Variants in AKAP19 observed in about 807,000 individuals in gnomAD.
AKAP19 encodes the protein A-kinase anchoring protein 19.
At chr2:190,141,501 A>C in the AKAP19 span, among the ~76,000 whole-genome samples, 58,261 of 152,066 alleles carry the variant, frequency 0.38, 12,826 homozygotes, top group East Asian at 0.76. Flanking sequence ...AGAAGCAAAC[A>C]CATCCTTCTT....
At chr2:189,952,286 GA>G in the AKAP19 span, among the ~76,000 whole-genome samples, 1 of 152,178 alleles carries the variant, frequency 6.6e-6, no homozygotes, top group Non-Finnish European at 1.5e-5. Context: ...CAGAACCTAA[GA>G]GGGTAGAAGA....
the AKAP19 span, among the ~76,000 whole-genome samples, chr2:189,914,522 C>T: frequency 6.6e-6 from 1 of 151,992 alleles, no homozygotes. Context: ...ATGGCTATTT[C>T]ATGAGACATT....
the AKAP19 span, among the ~76,000 whole-genome samples, chr2:190,162,499 C>G: frequency 2.0e-4 from 30 of 152,150 alleles, no homozygotes; most frequent in South Asian, 4.1e-4. Context: ...GCCACAAAAA[C>G]AATACCATGC....
the AKAP19 span, among the ~76,000 whole-genome samples, chr2:190,121,016 G>A: frequency 1.7e-4 from 26 of 151,826 alleles, no homozygotes; most frequent in Non-Finnish European, 7.4e-5. Flanking sequence ...GGGGGAGTTC[G>A]TGTGATTATG....
chr2:189,928,403 A>G, the AKAP19 span, among the ~76,000 whole-genome samples: 1 of 152,158 alleles, frequency 6.6e-6, no homozygotes, highest in South Asian at 2.1e-4. Context: ...TTGAGAAAAA[A>G]GTCTGACTAT....
the AKAP19 span, among the ~76,000 whole-genome samples, chr2:190,022,653 G>C: frequency 1.3e-5 from 2 of 152,088 alleles, no homozygotes; most frequent in African/African-American, 4.8e-5. Flanking sequence ...CCATTCTGAG[G>C]CTTATGCATA....
chr2:189,966,792 A>G, the AKAP19 span, among the ~76,000 whole-genome samples: 2 of 152,220 alleles, frequency 1.3e-5, no homozygotes, highest in Non-Finnish European at 2.9e-5. Context: ...TGGAACGTGC[A>G]TAGAGATATA....
the AKAP19 span, among the ~76,000 whole-genome samples, chr2:190,060,959 G>A: frequency 6.6e-6 from 1 of 151,962 alleles, no homozygotes; most frequent in African/African-American, 2.4e-5. Flanking sequence ...TTTGGCTTTG[G>A]AATAACCTTT....
the AKAP19 span, among the ~76,000 whole-genome samples, chr2:189,912,834 A>G: frequency 4.4e-4 from 67 of 152,066 alleles, no homozygotes; most frequent in African/African-American, 1.4e-3. Flanking sequence ...GTTACTTCCT[A>G]TGTTTCTTTT....
At chr2:190,139,938 A>T in the AKAP19 span, among the ~76,000 whole-genome samples, 24,421 of 152,182 alleles carry the variant, frequency 0.16, 2,115 homozygotes, top group Middle Eastern at 0.19. Flanking sequence ...CCTTCCATCT[A>T]TGAGCCTGTA....
At chr2:190,188,182 A>G in the AKAP19 span, among the ~76,000 whole-genome samples, 1 of 152,064 alleles carries the variant, frequency 6.6e-6, no homozygotes. Flanking sequence ...TGATTTTGTT[A>G]ATTTTGGAAG....
the AKAP19 span, among the ~76,000 whole-genome samples, chr2:190,017,278 T>C: frequency 6.6e-6 from 1 of 152,170 alleles, no homozygotes; most frequent in African/African-American, 2.4e-5. Context: ...ATATTCAAAA[T>C]CATCAATCAT....
At chr2:190,159,012 G>A in the AKAP19 span, among the ~76,000 whole-genome samples, 3 of 152,212 alleles carry the variant, frequency 2.0e-5, no homozygotes, top group Non-Finnish European at 4.4e-5. Flanking sequence ...GGATTCCAAA[G>A]GCTGCAGTGG....
At chr2:190,065,574 TC>T in the AKAP19 span, among the ~76,000 whole-genome samples, 2 of 152,280 alleles carry the variant, frequency 1.3e-5, no homozygotes, top group African/African-American at 4.8e-5. Flanking sequence ...GGCTGTGAGT[TC>T]AGTGTTAATG....
At chr2:190,028,644 A>T in the AKAP19 span, among the ~76,000 whole-genome samples, 1 of 152,186 alleles carries the variant, frequency 6.6e-6, no homozygotes, top group Non-Finnish European at 1.5e-5. Flanking sequence ...ACATATAAGT[A>T]TACTTAGTAA....
At chr2:190,200,041 T>A in the AKAP19 span, 2 of 1,614,106 alleles carry the variant, frequency 1.2e-6, no homozygotes, top group Non-Finnish European at 1.7e-6. Context: ...GATCTTGGAA[T>A]ATGCACACCG....
At chr2:189,942,251 G>A in the AKAP19 span, among the ~76,000 whole-genome samples, 1 of 150,678 alleles carries the variant, frequency 6.6e-6, no homozygotes, top group Non-Finnish European at 1.5e-5. Flanking sequence ...GCATTTAGAA[G>A]TGTGTGTCAC....
chr2:190,142,012 C>T, the AKAP19 span, among the ~76,000 whole-genome samples: 2 of 152,180 alleles, frequency 1.3e-5, no homozygotes, highest in South Asian at 2.1e-4. Flanking sequence ...CATGCTACTT[C>T]GTGGGTCCCA....
the AKAP19 span, among the ~76,000 whole-genome samples, chr2:189,884,139 A>G: frequency 1.3e-5 from 2 of 152,270 alleles, 1 homozygote. Context: ...ATAGAAATGA[A>G]TGAGTTAAGA....
Sources: allele counts gnomAD v4.1 joint callset (sites outside exome capture counted in the v4.1 genomes callset), GRCh38; gene constraint gnomAD v4.1.1; transcripts MANE v1.5; gene names NCBI Gene and HGNC (gene_info 2026-07-23, HGNC 2026-07-21).